The following CDH4 variants were observed in gnomAD, a reference collection of about 807,000 sequenced individuals.
The protein encoded by CDH4 is cadherin 4.
Under a neutral mutation model 86.0 loss-of-function variants are expected in CDH4, and 33 were observed. The observed-to-expected ratio is 0.38, with a 90% confidence interval of 0.29 to 0.51. CDH4 has a LOEUF of 0.51. Among genes scored for constraint, CDH4 ranks in the 20% least tolerant of loss-of-function variants. The pLI is 0.86. For synonymous variants in CDH4, 555 were observed against 549.4 expected (o/e 1.01, Z -0.14); for missense variants, 1,114 against 1,307.4 (o/e 0.85, Z 2.28).
At chr20:61,731,995 C>T (rs977586686) in intron 2 of CDH4, among the ~76,000 whole-genome samples, 1 of 152,126 alleles carries the variant, frequency 6.6e-6, no homozygotes, top group Non-Finnish European at 1.5e-5. Context: ...GAGCCAGCGC[C>T]ACCACCTTCA....
At chr20:61,318,486 G>A (rs1248387803) in intron 2 of CDH4, among the ~76,000 whole-genome samples, 1 of 151,994 alleles carries the variant, frequency 6.6e-6, no homozygotes, top group Non-Finnish European at 1.5e-5. Flanking sequence ...GGATTAACTG[G>A]GACTCTCCTA....
intron 5 of CDH4, among the ~76,000 whole-genome samples, chr20:61,845,236 A>G (rs1165519397): frequency 6.6e-6 from 1 of 152,248 alleles, no homozygotes; most frequent in Admixed American, 6.5e-5. Context: ...TCCGAAGCAC[A>G]GCCCATTGTC....
intron 2 of CDH4, among the ~76,000 whole-genome samples, chr20:61,342,538 G>C (rs2084654426): frequency 6.6e-6 from 1 of 152,226 alleles, no homozygotes; most frequent in Admixed American, 6.5e-5. Flanking sequence ...GTGGAGCTCA[G>C]GCGAGAATGT....
chr20:61,280,499 G>A (rs746578238), intron 2 of CDH4, among the ~76,000 whole-genome samples: 2 of 152,196 alleles, frequency 1.3e-5, no homozygotes, highest in Admixed American at 6.5e-5. Flanking sequence ...GGTGGGGGCC[G>A]ATGTCCCCAC....
intron 2 of CDH4, among the ~76,000 whole-genome samples, chr20:61,635,840 C>T (rs1600827086): frequency 6.6e-6 from 1 of 152,252 alleles, no homozygotes; most frequent in Non-Finnish European, 1.5e-5. Context: ...AGCCTGCCCG[C>T]CCATAGTTGG....
chr20:61,266,361 G>T (rs1205634876), intron 2 of CDH4, among the ~76,000 whole-genome samples: 1 of 152,068 alleles, frequency 6.6e-6, no homozygotes, highest in African/African-American at 2.4e-5. Context: ...AGGCAGAGGA[G>T]AAAGGCTTGC....
chr20:61,835,688 C>T (rs1366640397), intron 4 of CDH4, among the ~76,000 whole-genome samples: 1 of 152,220 alleles, frequency 6.6e-6, no homozygotes, highest in Admixed American at 6.5e-5. Flanking sequence ...CCCGCTGGTT[C>T]TAGGGGCTCT....
chr20:61,300,863 C>G (rs77765864), intron 2 of CDH4, among the ~76,000 whole-genome samples: 4,093 of 152,310 alleles, frequency 0.027, 138 homozygotes, highest in East Asian at 0.13. Context: ...AACCCACCTC[C>G]TCCTCCTCAC....
intron 2 of CDH4, among the ~76,000 whole-genome samples, chr20:61,534,317 C>T (rs1054067646): frequency 2.6e-5 from 4 of 152,080 alleles, no homozygotes; most frequent in Non-Finnish European, 4.4e-5. Context: ...GGGAGGGTAT[C>T]GGGGCAGGAA....
intron 2 of CDH4, among the ~76,000 whole-genome samples, chr20:61,387,563 CACAT>C (rs1362355236): frequency 2.0e-5 from 3 of 152,140 alleles, no homozygotes; most frequent in Non-Finnish European, 2.9e-5. Flanking sequence ...TACACACAGA[CACAT>C]ACAGAGACAT....
intron 2 of CDH4, among the ~76,000 whole-genome samples, chr20:61,577,547 A>G (rs1174727357): frequency 6.6e-6 from 1 of 152,224 alleles, no homozygotes; most frequent in Non-Finnish European, 1.5e-5. Flanking sequence ...TGCATGGGGA[A>G]AAGACTCAAT....
intron 2 of CDH4, among the ~76,000 whole-genome samples, chr20:61,389,190 A>G (rs1396201213): frequency 2.0e-5 from 3 of 152,106 alleles, no homozygotes; most frequent in Admixed American, 1.3e-4. Flanking sequence ...ACCTGTGTGC[A>G]CTCGGAGGGG....
intron 2 of CDH4, chr20:61,738,353 G>C (rs1392702919): frequency 6.6e-6 from 1 of 152,150 alleles, no homozygotes; most frequent in East Asian, 1.9e-4. Context: ...TCCCGTGTCG[G>C]CCGAGGATGG....
intron 2 of CDH4, among the ~76,000 whole-genome samples, chr20:61,575,617 C>G (rs1454332498): frequency 6.6e-6 from 1 of 152,272 alleles, no homozygotes; most frequent in East Asian, 1.9e-4. Context: ...ATCTGGCCCT[C>G]TGCCTGTATT....
chr20:61,498,628 G>A (rs529244396), intron 2 of CDH4, among the ~76,000 whole-genome samples: 3 of 152,110 alleles, frequency 2.0e-5, no homozygotes, highest in Non-Finnish European at 2.9e-5. Flanking sequence ...AAAAACACAC[G>A]TAGTTTAACC....
chr20:61,858,073 GTC>G (rs1418702921), intron 6 of CDH4, among the ~76,000 whole-genome samples: 1 of 149,106 alleles, frequency 6.7e-6, no homozygotes, highest in Non-Finnish European at 1.5e-5. Context: ...GTCTGTATAT[GTC>G]TCTGTGTGTG....
chr20:61,772,205 G>A (rs370021126), intron 3 of CDH4, among the ~76,000 whole-genome samples: 17 of 152,154 alleles, frequency 1.1e-4, no homozygotes, highest in African/African-American at 2.2e-4. Flanking sequence ...TTTGCCCCAC[G>A]TCACATGAGC....
rs1238912626 is a variant in CDH4, at chr20:61,708,213, T to A, written c.170-35350T>A. 6.6e-6 allele frequency among the ~76,000 whole-genome samples: 1 copy of A among 152,132 alleles called. No individual in the cohort carries two copies. Among genetic ancestry groups the A allele is most frequent in the East Asian group, 1.9e-4 (1 of 5,166 alleles). ...GGTGCTGCCCGCAAGTGCCTGGACC[T>A]GCACACACACACAGGGCTGAGTGTA... On this transcript the variant is annotated intron_variant, in intron 2 of 15. Transcript: ENST00000614565. This position sits in a 1 kb window ranked among gnomAD's most constrained non-coding sequence, Gnocchi z 4.5.
intron 4 of CDH4, among the ~76,000 whole-genome samples, chr20:61,801,900 G>A (rs1232203973): frequency 6.6e-6 from 1 of 152,234 alleles, no homozygotes; most frequent in African/African-American, 2.4e-5. Context: ...CATCACGTCT[G>A]CAAACTCTCT....
Sources: gnomAD v4.1 joint callset for allele counts (sites outside exome capture counted in the v4.1 genomes callset) on GRCh38, gnomAD v4.1.1 for gene constraint, Gnocchi (gnomAD v3.1) non-coding constraint, MANE v1.5 for transcripts, NCBI Gene and HGNC (gene_info 2026-07-23, HGNC 2026-07-21) for gene names.